Variants in CELF2 observed in about 807,000 individuals in gnomAD.
The protein encoded by CELF2 is CUGBP Elav-like family member 2, also known as CUG triplet repeat RNA-binding protein 2.
A neutral mutation model predicts 62.6 loss-of-function variants in CELF2; 8 were observed. The ratio of observed to expected loss-of-function variants is 0.13; its 90% CI spans 0.07 to 0.23. The LOEUF (loss-of-function observed/expected upper bound fraction) is 0.23. CELF2 is among the 10% of genes least tolerant of loss of function. The pLI is 1.00. For missense variants in CELF2, 333 were observed against 671.0 expected (o/e 0.50, Z 5.56); for synonymous variants, 258 against 250.0 (o/e 1.03, Z -0.30).
chr10:11,250,169 A>C (rs544800450), intron 4 of CELF2, among the ~76,000 whole-genome samples: 1 of 152,322 alleles, frequency 6.6e-6, no homozygotes, highest in African/African-American at 2.4e-5. Flanking sequence ...GAAAATTCCA[A>C]GTCATAGCAT....
At chr10:11,131,581 C>T (rs1000717223) in intron 1 of CELF2, among the ~76,000 whole-genome samples, 3 of 152,338 alleles carry the variant, frequency 2.0e-5, no homozygotes, top group South Asian at 2.1e-4. Flanking sequence ...CTATCAATCA[C>T]GGGCCACCTC....
upstream of CELF2, among the ~76,000 whole-genome samples, chr10:11,014,565 A>G (rs2056966902): frequency 6.6e-6 from 1 of 152,114 alleles, no homozygotes; most frequent in African/African-American, 2.4e-5. Context: ...TTGTATTCCA[A>G]TTCAAGCAGT....
the CELF2 span, among the ~76,000 whole-genome samples, chr10:10,779,507 T>G: frequency 6.6e-6 from 1 of 152,146 alleles, no homozygotes; most frequent in Non-Finnish European, 1.5e-5. Context: ...TCCCTTCCTT[T>G]TCTCCTTTCT....
intron 1 of CELF2, among the ~76,000 whole-genome samples, chr10:10,821,108 C>T (rs1260504629): frequency 3.3e-5 from 5 of 152,148 alleles, no homozygotes; most frequent in East Asian, 1.9e-4. Flanking sequence ...AGCAAGCTGC[C>T]GAGGTTTCTG....
Position 11,034,410 on chromosome 10 carries a change from A to G in CELF2, c.74+16247A>G, listed in dbSNP as rs529227512. ...CTCCTAGATGTGTTAAAAATATTTC[A>G]TGTGTTCCTTATTACTAAGAACACT... On this transcript the variant is annotated intron_variant, in intron 1 of 12. Coordinates refer to ENST00000633077, the MANE Select transcript of CELF2 (RefSeq NM_001326342.2). Among the ~76,000 whole-genome samples the G allele has an allele frequency of 1.4e-3, 212 of 152,078 alleles. 1 individual carries two copies. The highest frequency in any genetic ancestry group is 4.6e-3 in the African/African-American group (189 of 41,484).
the CELF2 span, among the ~76,000 whole-genome samples, chr10:10,598,925 G>C: frequency 6.6e-6 from 1 of 151,358 alleles, no homozygotes; most frequent in Non-Finnish European, 1.5e-5. Flanking sequence ...GCTTATTTTT[G>C]TATTTTTAGT....
intron 1 of CELF2, among the ~76,000 whole-genome samples, chr10:10,895,437 C>A (rs997986734): frequency 5.3e-5 from 8 of 152,056 alleles, no homozygotes; most frequent in Non-Finnish European, 1.2e-4. Flanking sequence ...CCGTTTTCAC[C>A]TTGTTGCTCA....
chr10:10,743,610 C>A, the CELF2 span, among the ~76,000 whole-genome samples: 8 of 152,206 alleles, frequency 5.3e-5, no homozygotes, highest in African/African-American at 1.9e-4. Flanking sequence ...CTATTTCCCA[C>A]TCATTTATTT....
the CELF2 span, among the ~76,000 whole-genome samples, chr10:10,469,200 G>A: frequency 1.3e-5 from 2 of 151,790 alleles, no homozygotes; most frequent in African/African-American, 2.4e-5. Context: ...AAATTTCCAT[G>A]TTATCGTGCA....
At chr10:10,729,412 C>T in the CELF2 span, among the ~76,000 whole-genome samples, 166 of 152,160 alleles carry the variant, frequency 1.1e-3, no homozygotes, top group Non-Finnish European at 2.2e-3. Flanking sequence ...TTCCTCGCAA[C>T]GGCTGCTTCA....
chr10:11,154,650 G>A (rs1017705348), intron 1 of CELF2, among the ~76,000 whole-genome samples: 5 of 152,204 alleles, frequency 3.3e-5, no homozygotes, highest in African/African-American at 1.2e-4. Flanking sequence ...TGTAGGAAAT[G>A]TACACTTGTC....
intron 1 of CELF2, among the ~76,000 whole-genome samples, chr10:10,884,013 G>A (rs2061601372): frequency 6.6e-6 from 1 of 150,658 alleles, no homozygotes; most frequent in Non-Finnish European, 1.5e-5. Flanking sequence ...CCTCCCTCCT[G>A]CTCTTCCTCT....
At chr10:10,695,769 G>A in the CELF2 span, among the ~76,000 whole-genome samples, 3 of 151,820 alleles carry the variant, frequency 2.0e-5, no homozygotes, top group African/African-American at 4.8e-5. Context: ...TTCTTCCATT[G>A]CTGATACCCT....
At chr10:10,512,705 G>A in the CELF2 span, among the ~76,000 whole-genome samples, 4 of 152,238 alleles carry the variant, frequency 2.6e-5, no homozygotes, top group Admixed American at 1.3e-4. Context: ...GTAAGCCACC[G>A]CTCCTGGTCT....
At chr10:11,261,422 T>TC (rs1018387079) in intron 5 of CELF2, among the ~76,000 whole-genome samples, 1 of 151,696 alleles carries the variant, frequency 6.6e-6, no homozygotes, top group Non-Finnish European at 1.5e-5. Flanking sequence ...CACTGCCTTT[T>TC]TTTTTTTTTT....
chr10:11,270,277 C>T lies in CELF2; in HGVS notation c.619-389C>T, dbSNP rs909527951. Among the ~76,000 whole-genome samples, 2 of 152,176 alleles carry T rather than the reference C, an allele frequency of 1.3e-5. No homozygotes were observed. The highest frequency in any genetic ancestry group is 2.4e-5 in the African/African-American group (1 of 41,430). Reference sequence around the variant, plus strand: ...TTTGTCCTCTGTCCACCTGTGGACACGGGCAGACACACAAAGCCAAGTCTG... The same window carrying T: ...TTTGTCCTCTGTCCACCTGTGGACATGGGCAGACACACAAAGCCAAGTCTG... On this transcript the variant is annotated intron_variant, in intron 6 of 12. Transcript: ENST00000633077. The surrounding 1 kb of genome is among the most constrained non-coding windows in gnomAD (Gnocchi z 5.8).
At chr10:10,645,587 A>C in the CELF2 span, among the ~76,000 whole-genome samples, 1 of 152,180 alleles carries the variant, frequency 6.6e-6, no homozygotes, top group Non-Finnish European at 1.5e-5. Context: ...CCAGAAGTTC[A>C]AGGCTGCAGG....
the CELF2 span, among the ~76,000 whole-genome samples, chr10:10,522,357 A>C: frequency 3.9e-5 from 6 of 152,314 alleles, no homozygotes; most frequent in African/African-American, 1.2e-4. Flanking sequence ...ATCTCTTCCC[A>C]ATCTTCGGCA....
chr10:10,866,947 G>A (rs2060424245), intron 1 of CELF2, among the ~76,000 whole-genome samples: 1 of 150,464 alleles, frequency 6.6e-6, no homozygotes. Context: ...AAAGTGGGGT[G>A]AAATACTCTT....
Sources: allele counts gnomAD v4.1 joint callset (sites outside exome capture counted in the v4.1 genomes callset), GRCh38; gene constraint gnomAD v4.1.1; non-coding constraint Gnocchi (gnomAD v3.1); transcripts MANE v1.5; gene names NCBI Gene and HGNC (gene_info 2026-07-23, HGNC 2026-07-21).